Variants in FAM153A observed in about 807,000 individuals in gnomAD.
FAM153A encodes the protein family with sequence similarity 153 member A.
Under a neutral mutation model 48.1 loss-of-function variants are expected in FAM153A, and 12 were observed. The observed-to-expected ratio is 0.25, with a 90% CI of 0.16 to 0.40. The LOEUF (loss-of-function observed/expected upper bound fraction) is 0.40, where lower values mean the gene tolerates loss of function less well. Among genes scored for constraint, FAM153A ranks in the 10% least tolerant of loss-of-function variants. FAM153A has a pLI of 1.00. For missense variants in FAM153A, 111 were observed against 345.8 expected (o/e 0.32, Z 5.38); for synonymous variants, 36 against 118.2 (o/e 0.30, Z 4.51).
chr5:177,704,639 G>A (rs1757716793), downstream of FAM153A, among the ~76,000 whole-genome samples: 3 of 151,848 alleles, frequency 2.0e-5, no homozygotes, highest in South Asian at 6.2e-4. Context: ...CTCATGAATG[G>A]TTTAGCACTA....
At chr5:177,759,021 A>G (rs1006656154) in intron 1 of FAM153A, among the ~76,000 whole-genome samples, 12 of 151,836 alleles carry the variant, frequency 7.9e-5, no homozygotes, top group African/African-American at 1.9e-4. Context: ...AGAAACTACC[A>G]TCAGAGTGAA....
In FAM153A at chr5:177,766,377, C is replaced by A. The variant is rs1366737407; in HGVS notation, c.-57+14072G>T. Among the ~76,000 whole-genome samples the A allele has an allele frequency of 1.2e-4, 9 of 74,082 alleles. 3 individuals are homozygous for A. The highest frequency in any genetic ancestry group is 1.5e-4 in the Admixed American group (1 of 6,482). The allele number at this position is 74,082 out of a possible 152,430, so 48.6% of individuals were successfully genotyped here. ...CCTTAAAATTCTGTAATTCTATGTG[C>A]TTTTGATTCTGTCTATAAGAAAACT... On this transcript the variant is annotated intron_variant, in intron 1 of 8. Coordinates refer to the FAM153A transcript ENST00000393518.
chr5:177,764,978 A>G (rs1396825702), intron 1 of FAM153A, among the ~76,000 whole-genome samples: 31 of 133,614 alleles, frequency 2.3e-4, no homozygotes, highest in African/African-American at 8.1e-4. Context: ...GTCTGGGCCC[A>G]GTCAGATCGA....
At chr5:177,781,264 A>ATTTT (rs1303137176), upstream of FAM153A, among the ~76,000 whole-genome samples, 3,677 of 75,090 alleles carry the variant, frequency 0.049, 66 homozygotes, top group Non-Finnish European at 0.055. Flanking sequence ...ACGCCCGGCT[A>ATTTT]TTTTTTTTTT....
chr5:177,722,207 G>A (rs996970824), downstream of FAM153A: 2 of 119,508 alleles, frequency 1.7e-5, no homozygotes, highest in Non-Finnish European at 3.4e-5. Context: ...TCGGCTCACC[G>A]CAACCTCCGC....
rs921615478 is a variant in FAM153A at position 177,713,478 on chromosome 5, C to G, written c.*1391+270G>C. 4.5e-4 allele frequency among the ~76,000 whole-genome samples: 68 copies of G among 151,514 alleles called. 2 individuals carry two copies. The highest frequency in any genetic ancestry group is 1.6e-3 in the African/African-American group (66 of 41,056). ...TTCACCGTGTTAGCCAGGACGGTCT[C>G]GATCTCCTGACCTCGTGATCCGCCC... On this transcript the variant is annotated intron_variant and NMD_transcript_variant, in intron 26 of 26. Transcript: ENST00000360669.
rs560262121 is a variant in FAM153A at position 177,716,656 on chromosome 5, C to T, written c.*1152-241G>A. 5.2e-3 allele frequency among the ~76,000 whole-genome samples: 782 copies of T among 151,802 alleles called. 6 individuals carry two copies. Among genetic ancestry groups the T allele is most frequent in the Non-Finnish European group, 8.3e-3 (567 of 68,006 alleles). On this transcript the variant is annotated intron_variant and NMD_transcript_variant, in intron 24 of 26. Transcript: ENST00000360669. The stretch of plus-strand genomic sequence containing the variant: ...TATATTGTTTTTAATGACAAATAGT[C>T]ACTATTTAGTAAAATGATTACTGTG...
intron 25 of FAM153A, among the ~76,000 whole-genome samples, chr5:177,715,747 A>C (rs1759600653): frequency 6.6e-6 from 1 of 151,800 alleles, no homozygotes; most frequent in African/African-American, 2.4e-5. Flanking sequence ...ACTGTCATCC[A>C]GCCTGGAGTG....
chr5:177,698,126 G>C, the FAM153A span, among the ~76,000 whole-genome samples: 46 of 151,608 alleles, frequency 3.0e-4, no homozygotes, highest in Non-Finnish European at 5.4e-4. Flanking sequence ...TTTAGTTCTA[G>C]TTAGTAAGGT....
downstream of FAM153A, among the ~76,000 whole-genome samples, chr5:177,717,577 C>CT (rs1240083997): frequency 6.6e-6 from 1 of 150,638 alleles, no homozygotes; most frequent in Non-Finnish European, 1.5e-5. Flanking sequence ...AAGGGAAAAG[C>CT]TACCCTCACA....
At chr5:177,714,059 T>C (rs886470230) in intron 25 of FAM153A, 1 of 151,848 alleles carries the variant, frequency 6.6e-6, no homozygotes, top group Admixed American at 6.6e-5. Context: ...TTAACGGCAT[T>C]AAGAATCACC....
At chr5:177,759,138 C>T (rs1381234914) in intron 1 of FAM153A, among the ~76,000 whole-genome samples, 1 of 151,864 alleles carries the variant, frequency 6.6e-6, no homozygotes, top group East Asian at 1.9e-4. Flanking sequence ...AAAAACAACC[C>T]CATTAAGAAG....
intron 10 of FAM153A, among the ~76,000 whole-genome samples, chr5:177,738,090 GGCA>G (rs978456703): frequency 4.0e-5 from 6 of 151,172 alleles, no homozygotes; most frequent in African/African-American, 1.5e-4. Context: ...CCATCACGGG[GGCA>G]GCAGGTGGGG....
chr5:177,781,349 C>T (rs1194644126), upstream of FAM153A, among the ~76,000 whole-genome samples: 1 of 145,260 alleles, frequency 6.9e-6, no homozygotes, highest in Non-Finnish European at 1.5e-5. Context: ...TCTCAATCTC[C>T]TGACCTCGTG....
At chr5:177,754,108 T>G (rs1254753855), upstream of FAM153A, among the ~76,000 whole-genome samples, 26 of 151,720 alleles carry the variant, frequency 1.7e-4, no homozygotes, top group Non-Finnish European at 3.1e-4. Context: ...GATGACAGGC[T>G]GCACCTGGAA....
At chr5:177,697,433 T>G in the FAM153A span, among the ~76,000 whole-genome samples, 1 of 151,580 alleles carries the variant, frequency 6.6e-6, no homozygotes, top group Non-Finnish European at 1.5e-5. Flanking sequence ...GTGCCATTTC[T>G]ACTGTCAGTA....
At position 177,727,723 on chromosome 5, in the gene FAM153A, G is replaced by C; in HGVS notation, c.964+1300C>G. 3.1e-5 allele frequency among the ~76,000 whole-genome samples: 2 copies of C among 63,904 alleles called. 1 individual carries two copies. Among genetic ancestry groups the C allele is most frequent in the Non-Finnish European group, 5.9e-5 (2 of 34,050 alleles). 41.9% of individuals were successfully genotyped at this position (63,904 alleles called of 152,430 possible). On this transcript the variant is annotated intron_variant, in intron 18 of 20. Coordinates refer to ENST00000614127, the Ensembl canonical transcript of FAM153A. ...CACAGGAGAGTTGCAAGGACCACCT[G>C]GACTCTGGAGCAGCCCCACTCCCTT...
chr5:177,714,379 A>C (rs1288443812), intron 25 of FAM153A, among the ~76,000 whole-genome samples: 6 of 151,830 alleles, frequency 4.0e-5, no homozygotes, highest in African/African-American at 1.5e-4. Flanking sequence ...AGTCTCAATT[A>C]AGTTGATGCT....
At chr5:177,759,149 T>C (rs184875180) in intron 1 of FAM153A, among the ~76,000 whole-genome samples, 2 of 151,878 alleles carry the variant, frequency 1.3e-5, no homozygotes, top group East Asian at 1.9e-4. Context: ...CATTAAGAAG[T>C]GGGCAAAGGA....
Sources: gnomAD v4.1 joint callset for allele counts (sites outside exome capture counted in the v4.1 genomes callset) on GRCh38, gnomAD v4.1.1 for gene constraint, MANE v1.5 for transcripts, NCBI Gene and HGNC (gene_info 2026-07-23, HGNC 2026-07-21) for gene names.